Variants in LAMA2 observed in about 807,000 individuals in gnomAD.
LAMA2 encodes the protein laminin subunit alpha 2, also known as laminin subunit alpha-2.
A neutral mutation model predicts 364.8 loss-of-function variants in LAMA2; 269 were observed. The observed-to-expected ratio is 0.74, with a 90% CI of 0.67 to 0.82. The LOEUF is 0.82. LAMA2 is among the 40% of genes least tolerant of loss of function. LAMA2 has a pLI of 0.00. For missense variants in LAMA2, 3,807 were observed against 3,873.2 expected (o/e 0.98, Z 0.45); for synonymous variants, 1,379 against 1,370.6 (o/e 1.01, Z -0.14).
chr6:129,310,772 A>G (rs1483317981), intron 22 of LAMA2, among the ~76,000 whole-genome samples: 1 of 152,100 alleles, frequency 6.6e-6, no homozygotes, highest in Non-Finnish European at 1.5e-5. Context: ...GGGCTAAGAG[A>G]GGGCATGCTC....
chr6:129,350,461 C>T (rs573441362), intron 31 of LAMA2, among the ~76,000 whole-genome samples: 2 of 152,340 alleles, frequency 1.3e-5, no homozygotes, highest in African/African-American at 4.8e-5. Context: ...TTTACCCGCC[C>T]TTCCTGCAGT....
intron 56 of LAMA2, among the ~76,000 whole-genome samples, chr6:129,486,933 T>C (rs948429988): frequency 1.3e-5 from 2 of 152,156 alleles, no homozygotes; most frequent in Non-Finnish European, 2.9e-5. Flanking sequence ...TATTACCTCC[T>C]CAAATAAGGT....
intron 10 of LAMA2, among the ~76,000 whole-genome samples, chr6:129,183,200 A>G (rs554784786): frequency 2.6e-5 from 4 of 152,002 alleles, no homozygotes; most frequent in African/African-American, 7.2e-5. Flanking sequence ...GTCATTGACT[A>G]TAAGTGCTGT....
At chr6:129,310,446 T>G (rs1323192222) in intron 22 of LAMA2, among the ~76,000 whole-genome samples, 1 of 152,202 alleles carries the variant, frequency 6.6e-6, no homozygotes, top group Non-Finnish European at 1.5e-5. Flanking sequence ...GCTATGCATA[T>G]GACTTTACCA....
At chr6:128,949,876 A>G (rs543403656) in intron 1 of LAMA2, among the ~76,000 whole-genome samples, 59 of 152,314 alleles carry the variant, frequency 3.9e-4, no homozygotes, top group African/African-American at 1.3e-3. Flanking sequence ...CCAAGTGTTA[A>G]AGATGAACCA....
intron 40 of LAMA2, among the ~76,000 whole-genome samples, chr6:129,425,774 T>C (rs1458998924): frequency 6.6e-6 from 1 of 152,152 alleles, no homozygotes; most frequent in African/African-American, 2.4e-5. Context: ...GCATTCGTTT[T>C]ATGACTGCAT....
Position 129,454,197 on chromosome 6 carries a change from T to C in LAMA2, c.6616T>C (p.Phe2206Leu). The C allele has an allele frequency of 6.2e-7, 1 of 1,612,638 alleles. No homozygotes were observed. Among genetic ancestry groups the C allele is most frequent in the African/African-American group, 1.3e-5 (1 of 74,978 alleles). Residue 2206 changes from phenylalanine to leucine, a missense_variant, in exon 47 of 65, where the codon TTC becomes CTC. Physicochemically the swap from Phe to Leu is conservative, Grantham distance 22 (BLOSUM62 0). Coordinates refer to ENST00000421865, the MANE Select transcript of LAMA2 (RefSeq NM_000426.4). ...AIEMRKGKVS[F>L]LWDVGSGVGR... ...AGAAATGCGTAAAGGCAAAGTCAGC[T>C]TCCTCTGGGATGTTGGATCTGGAGT...
At chr6:129,264,654 C>T (rs1787375844) in intron 15 of LAMA2, among the ~76,000 whole-genome samples, 1 of 151,996 alleles carries the variant, frequency 6.6e-6, no homozygotes, top group African/African-American at 2.4e-5. Flanking sequence ...AGGGTCAAAG[C>T]AGAGGAGACA....
intron 3 of LAMA2, among the ~76,000 whole-genome samples, chr6:129,066,291 C>T (rs936227698): frequency 4.0e-5 from 6 of 151,248 alleles, no homozygotes; most frequent in East Asian, 1.9e-4. Context: ...GTGATCCGCC[C>T]GCCTCGGCCT....
chr6:129,400,026 A>G (rs979480732), intron 37 of LAMA2, among the ~76,000 whole-genome samples: 1 of 152,178 alleles, frequency 6.6e-6, no homozygotes, highest in African/African-American at 2.4e-5. Flanking sequence ...CTTATATGCA[A>G]TCAAAACTTA....
intron 37 of LAMA2, among the ~76,000 whole-genome samples, chr6:129,395,780 G>GATA (rs1170902813): frequency 6.6e-6 from 1 of 152,162 alleles, no homozygotes. Context: ...GATCCTAAAG[G>GATA]ATAAGCACTG....
rs149934524 is a variant in LAMA2 at position 129,467,966 on chromosome 6, C to T, written c.7300+2677C>T. On this transcript the variant is annotated intron_variant, in intron 51 of 64. Transcript: ENST00000421865. ...GAAATCAGAAAGAATTTTCCTTTAT[C>T]CCAGCCTACTCAGTATCTTCTGTGA... 3.4e-4 allele frequency among the ~76,000 whole-genome samples: 51 copies of T among 151,950 alleles called. 1 individual carries two copies. The East Asian group carries it at 5.2e-3, about 16-fold the overall frequency.
chr6:129,059,824 T>C lies in LAMA2; in HGVS notation c.324T>C (p.Thr108=), dbSNP rs761146486. 2 of 1,610,910 alleles carry C rather than the reference T, an allele frequency of 1.2e-6. No homozygotes were observed. Among genetic ancestry groups the C allele is most frequent in the East Asian group, 2.2e-5 (1 of 44,798 alleles). The change falls in exon 3 of 65, where the codon ACT becomes ACC. Residue 108 remains threonine, a synonymous_variant. Coordinates refer to ENST00000421865, the MANE Select transcript of LAMA2 (RefSeq NM_000426.4). Reference sequence around the variant, plus strand: ...CAAATGCTATTGATGGAAAGAACACTTGGTGGCAGAGTCCCAGTATTAAGA... The same window carrying C: ...CAAATGCTATTGATGGAAAGAACACCTGGTGGCAGAGTCCCAGTATTAAGA... The part of the protein sequence containing the change: ...PITNAIDGKN[T]WWQSPSIKNG...
rs909804140 is a variant in LAMA2, at chr6:129,366,445, T to C, written c.4860+84T>C. The C allele has an allele frequency of 2.3e-5, 34 of 1,451,758 alleles. No homozygotes were observed. The African/African-American group carries it at 3.9e-4, about 17-fold the overall frequency. 89.9% of individuals were successfully genotyped at this position (1,451,758 alleles called of 1,614,324 possible). A position where few individuals can be genotyped will look rare whatever the true frequency, so the allele number is the denominator to read the frequency against. On this transcript the variant is annotated intron_variant, in intron 33 of 64. Transcript: ENST00000421865. ...GGTATTGGCTGTAATTGGTAAATGT[T>C]CTTCCCACAGCCCCAAATCAAGGGA...
intron 1 of LAMA2, among the ~76,000 whole-genome samples, chr6:128,937,130 G>A (rs1253369973): frequency 6.6e-6 from 1 of 152,188 alleles, no homozygotes; most frequent in Non-Finnish European, 1.5e-5. Flanking sequence ...ACCATGGAAA[G>A]TGAAACAAAG....
At chr6:129,437,278 G>A (rs1781878464) in intron 41 of LAMA2, among the ~76,000 whole-genome samples, 1 of 152,058 alleles carries the variant, frequency 6.6e-6, no homozygotes, top group Non-Finnish European at 1.5e-5. Context: ...TTCCTCATTT[G>A]TAAATTGGAG....
intron 3 of LAMA2, among the ~76,000 whole-genome samples, chr6:129,073,285 A>G (rs1168055064): frequency 1.3e-5 from 2 of 152,008 alleles, no homozygotes; most frequent in East Asian, 1.9e-4. Context: ...CTTTCACTCC[A>G]TTGAAGGCTA....
At chr6:129,252,583 A>G (rs969522992) in intron 14 of LAMA2, among the ~76,000 whole-genome samples, 7 of 152,338 alleles carry the variant, frequency 4.6e-5, no homozygotes, top group Admixed American at 2.0e-4. Flanking sequence ...ATTGGAAAAT[A>G]AAGTCTCCTT....
intron 1 of LAMA2, among the ~76,000 whole-genome samples, chr6:128,995,469 C>A (rs1223189036): frequency 6.6e-6 from 1 of 152,158 alleles, no homozygotes; most frequent in Non-Finnish European, 1.5e-5. Flanking sequence ...TTACAGGTGC[C>A]TGCCACCACG....
Sources: allele counts gnomAD v4.1 joint callset (sites outside exome capture counted in the v4.1 genomes callset), GRCh38; gene constraint gnomAD v4.1.1; transcripts MANE v1.5; gene names NCBI Gene and HGNC (gene_info 2026-07-23, HGNC 2026-07-21).